The following ZFPM2 variants were observed in gnomAD, a reference collection of about 807,000 sequenced individuals.
The protein encoded by ZFPM2 is zinc finger protein ZFPM2.
A neutral mutation model predicts 98.6 loss-of-function variants in ZFPM2; 20 were observed. The observed-to-expected ratio is 0.20, with a 90% confidence interval of 0.14 to 0.29. The LOEUF (loss-of-function observed/expected upper bound fraction) is 0.29. ZFPM2 is among the 10% of genes least tolerant of loss of function. ZFPM2 has a pLI of 1.00. For missense variants in ZFPM2, 1,310 were observed against 1,388.6 expected (o/e 0.94, Z 0.90); for synonymous variants, 518 against 502.7 (o/e 1.03, Z -0.41).
At chr8:105,456,383 T>C (rs1812593742) in intron 3 of ZFPM2, among the ~76,000 whole-genome samples, 1 of 151,978 alleles carries the variant, frequency 6.6e-6, no homozygotes, top group African/African-American at 2.4e-5. Context: ...TAAACAACCA[T>C]TGTTGATAAA....
At chr8:105,434,248 T>A (rs1234973046) in intron 2 of ZFPM2, among the ~76,000 whole-genome samples, 1 of 152,176 alleles carries the variant, frequency 6.6e-6, no homozygotes, top group Admixed American at 6.5e-5. Flanking sequence ...TTTATTTTTG[T>A]TCCTGGAGAT....
intron 2 of ZFPM2, among the ~76,000 whole-genome samples, chr8:105,432,570 C>T (rs1812041762): frequency 6.6e-6 from 1 of 152,076 alleles, no homozygotes; most frequent in African/African-American, 2.4e-5. Flanking sequence ...TGGTTTCTTG[C>T]TAGCAGAACA....
At chr8:105,434,866 A>ACACTG (rs771674175) in intron 2 of ZFPM2, among the ~76,000 whole-genome samples, 7 of 152,222 alleles carry the variant, frequency 4.6e-5, no homozygotes, top group African/African-American at 7.2e-5. Context: ...CTGCTTTCAA[A>ACACTG]CACTGCTGCT....
Position 105,565,545 on chromosome 8 carries a change from T to C in ZFPM2, c.420+4064T>C, listed in dbSNP as rs555325612. 7.9e-5 allele frequency among the ~76,000 whole-genome samples: 12 copies of C among 152,316 alleles called. No homozygotes were observed. In the South Asian group the frequency reaches 2.5e-3, roughly 32 times the overall value. On this transcript the variant is annotated intron_variant, in intron 4 of 7. Transcript: ENST00000407775. ...TAAACTGCTACTTTGGGAAGTTAAA[T>C]AACTAGCCTAAGGTCAACTCAGTCT...
At chr8:105,732,094 A>C (rs1019769858) in intron 5 of ZFPM2, among the ~76,000 whole-genome samples, 1 of 151,766 alleles carries the variant, frequency 6.6e-6, no homozygotes, top group African/African-American at 2.4e-5. Context: ...TCCCCACTAT[A>C]CAGTGTAATT....
At chr8:105,765,805 G>T (rs1007663813) in intron 5 of ZFPM2, among the ~76,000 whole-genome samples, 2 of 151,880 alleles carry the variant, frequency 1.3e-5, no homozygotes, top group Non-Finnish European at 2.9e-5. Context: ...CAGATAGATA[G>T]GTTTTACAAT....
chr8:105,703,879 C>T (rs992563924), intron 5 of ZFPM2, among the ~76,000 whole-genome samples: 1 of 152,134 alleles, frequency 6.6e-6, no homozygotes, highest in African/African-American at 2.4e-5. Context: ...TCCACCCGCC[C>T]TTCATTTTTA....
chr8:105,627,855 A>T (rs1371687996), intron 4 of ZFPM2, among the ~76,000 whole-genome samples: 3 of 152,316 alleles, frequency 2.0e-5, no homozygotes, highest in East Asian at 1.9e-4. Context: ...CAACTTTAAA[A>T]GAGATCTGGA....
intron 5 of ZFPM2, among the ~76,000 whole-genome samples, chr8:105,660,903 A>C (rs1817375440): frequency 6.6e-6 from 1 of 152,188 alleles, no homozygotes; most frequent in Admixed American, 6.5e-5. Context: ...AATAAATGAC[A>C]ATCAATAAAA....
intron 5 of ZFPM2, among the ~76,000 whole-genome samples, chr8:105,730,563 C>T (rs372045554): frequency 1.3e-5 from 2 of 151,674 alleles, no homozygotes; most frequent in Non-Finnish European, 2.9e-5. Flanking sequence ...CTTCCCTAAC[C>T]CCAGTGGTCT....
chr8:105,639,195 C>A (rs13263514), intron 5 of ZFPM2, among the ~76,000 whole-genome samples: 20,036 of 152,006 alleles, frequency 0.13, 1,343 homozygotes, highest in South Asian at 0.22. Flanking sequence ...ACCTTACCTT[C>A]TTATATGCTA....
intron 3 of ZFPM2, among the ~76,000 whole-genome samples, chr8:105,550,410 C>T (rs897428719): frequency 6.6e-6 from 1 of 152,100 alleles, no homozygotes; most frequent in Non-Finnish European, 1.5e-5. Context: ...ATGAAAGGGT[C>T]AGAAAACCAG....
intron 4 of ZFPM2, among the ~76,000 whole-genome samples, chr8:105,603,554 G>T (rs979026434): frequency 2.6e-5 from 4 of 151,994 alleles, no homozygotes; most frequent in African/African-American, 9.7e-5. Flanking sequence ...TAAATGATTA[G>T]CCTTATCAGT....
intron 4 of ZFPM2, among the ~76,000 whole-genome samples, chr8:105,615,473 G>A (rs574199176): frequency 1.3e-5 from 2 of 152,264 alleles, no homozygotes; most frequent in Admixed American, 6.5e-5. Context: ...AATCCCAGTC[G>A]AAGAGTGTGC....
chr8:105,675,285 T>G (rs1272019390), intron 5 of ZFPM2, among the ~76,000 whole-genome samples: 2 of 152,174 alleles, frequency 1.3e-5, no homozygotes, highest in African/African-American at 2.4e-5. Context: ...TTTGGAAACT[T>G]GTGCACCCAA....
intron 1 of ZFPM2, among the ~76,000 whole-genome samples, chr8:105,331,127 T>G (rs1320557350): frequency 6.7e-6 from 1 of 149,796 alleles, no homozygotes; most frequent in African/African-American, 2.4e-5. Flanking sequence ...TTCCATCTGG[T>G]TTTGAACTGG....
At chr8:105,488,488 G>C (rs1474287442) in intron 3 of ZFPM2, among the ~76,000 whole-genome samples, 1 of 152,072 alleles carries the variant, frequency 6.6e-6, no homozygotes, top group Non-Finnish European at 1.5e-5. Context: ...ACAGCCGGGC[G>C]CGGTGGTTTA....
At position 105,318,499 on chromosome 8, in the gene ZFPM2, C is replaced by G. The variant is rs1563600590; in HGVS notation, c.-443C>G. ...GCGCCGGAGTATCCGTCCCGCACGC[C>G]GGGGCGAGGGGCGAGCGAGCGCGCT... is the stretch of plus-strand genomic sequence containing the variant. On this transcript the variant is annotated 5_prime_UTR_variant, in exon 1 of 8. Coordinates refer to ENST00000407775, the MANE Select transcript of ZFPM2 (RefSeq NM_012082.4). Among the ~76,000 whole-genome samples, 2 of 150,040 alleles carry G rather than the reference C, an allele frequency of 1.3e-5. No homozygotes were observed. Among genetic ancestry groups the G allele is most frequent in the Admixed American group, 6.6e-5 (1 of 15,146 alleles).
intron 5 of ZFPM2, among the ~76,000 whole-genome samples, chr8:105,728,461 G>A (rs1811862928): frequency 1.3e-5 from 2 of 151,686 alleles, no homozygotes; most frequent in South Asian, 4.1e-4. Context: ...CTTATCTTGT[G>A]GCAGAGAGAA....
Sources: gnomAD v4.1 joint callset for allele counts (sites outside exome capture counted in the v4.1 genomes callset) on GRCh38, gnomAD v4.1.1 for gene constraint, MANE v1.5 for transcripts, NCBI Gene and HGNC (gene_info 2026-07-23, HGNC 2026-07-21) for gene names.